Variants in ACAA2 observed in about 807,000 individuals in gnomAD.
ACAA2 encodes the protein 3-ketoacyl-CoA thiolase, mitochondrial.
A neutral mutation model predicts 44.8 loss-of-function variants in ACAA2; 35 were observed. That is an observed-to-expected ratio of 0.78 (90% CI 0.60 to 1.04). The LOEUF is 1.04. Ranked by LOEUF, ACAA2 falls within the 50% of genes least tolerant of loss-of-function variation. The pLI is 0.00. For missense variants in ACAA2, 468 were observed against 482.6 expected (o/e 0.97, Z 0.28); for synonymous variants, 142 against 166.5 (o/e 0.85, Z 1.13).
At chr18:49,799,868 C>T (rs1297417263) in intron 2 of ACAA2, among the ~76,000 whole-genome samples, 47 of 16,646 alleles carry the variant, frequency 2.8e-3, no homozygotes, top group African/African-American at 0.011. Flanking sequence ...TGCCCGGCCG[C>T]GACCCCATCT....
intron 5 of ACAA2, 97 bp from the exon 6 acceptor site, chr18:49,792,424 C>A: frequency 9.0e-7 from 1 of 1,109,146 alleles, no homozygotes; most frequent in Non-Finnish European, 1.3e-6. Context: ...CTACCTTTTC[C>A]TCACAGTCTA....
intron 2 of ACAA2, among the ~76,000 whole-genome samples, chr18:49,801,517 GAC>G (rs1432176487): frequency 3.9e-5 from 6 of 151,926 alleles, no homozygotes; most frequent in Non-Finnish European, 7.4e-5. Flanking sequence ...AAGAACAAAA[GAC>G]AATATTGAGA....
At chr18:49,797,211 T>TA (rs1162949820) in intron 3 of ACAA2, among the ~76,000 whole-genome samples, 2 of 152,048 alleles carry the variant, frequency 1.3e-5, no homozygotes, top group African/African-American at 4.8e-5. Context: ...AGTAGAAACA[T>TA]ACAGTATTTG....
chr18:49,796,127 T>A (rs1433582427), intron 3 of ACAA2, among the ~76,000 whole-genome samples: 1 of 152,190 alleles, frequency 6.6e-6, no homozygotes, highest in East Asian at 1.9e-4. Flanking sequence ...CCTACCTACA[T>A]GTGGCTAAGA....
At chr18:49,791,180 T>C (rs1231462745) in intron 7 of ACAA2, among the ~76,000 whole-genome samples, 1 of 152,262 alleles carries the variant, frequency 6.6e-6, no homozygotes, top group African/African-American at 2.4e-5. Flanking sequence ...ATTTTCTGTG[T>C]TGATTTCTAA....
At chr18:49,801,512 C>T (rs1346128671) in intron 2 of ACAA2, among the ~76,000 whole-genome samples, 1 of 151,938 alleles carries the variant, frequency 6.6e-6, no homozygotes, top group Non-Finnish European at 1.5e-5. Flanking sequence ...ATAAAAAGAA[C>T]AAAAGACAAT....
At chr18:49,786,533 T>A (rs1220898621) in intron 8 of ACAA2, 1 of 152,210 alleles carries the variant, frequency 6.6e-6, no homozygotes, top group East Asian at 1.9e-4. Context: ...GTTTCCTGTG[T>A]GAGAGATTAT....
chr18:49,804,512 T>A (rs577415059), intron 1 of ACAA2, among the ~76,000 whole-genome samples: 19 of 152,308 alleles, frequency 1.2e-4, no homozygotes, highest in Admixed American at 4.6e-4. Flanking sequence ...GTGACTCTCA[T>A]CTCAGGTAAA....
At chr18:49,803,291 T>C (rs2143973149) in intron 1 of ACAA2, among the ~76,000 whole-genome samples, 1 of 117,110 alleles carries the variant, frequency 8.5e-6, no homozygotes, top group East Asian at 2.8e-4. Context: ...TATCAATCCC[T>C]GACCTAAACT....
chr18:49,792,644 C>T (rs1196532457), intron 5 of ACAA2, among the ~76,000 whole-genome samples: 1 of 152,124 alleles, frequency 6.6e-6, no homozygotes, highest in Non-Finnish European at 1.5e-5. Context: ...GATGGGGTTT[C>T]TCCATGTTGG....
At chr18:49,785,750 G>T (rs773834422) in intron 8 of ACAA2, 1 of 206,104 alleles carries the variant, frequency 4.9e-6, no homozygotes, top group Non-Finnish European at 9.6e-6. Flanking sequence ...AAATGTGACT[G>T]TGGTATCATG....
At chr18:49,801,230 T>C (rs1305315991) in intron 2 of ACAA2, among the ~76,000 whole-genome samples, 1 of 152,222 alleles carries the variant, frequency 6.6e-6, no homozygotes. Context: ...CAAATATTTA[T>C]GTTAAGCACT....
intron 2 of ACAA2, among the ~76,000 whole-genome samples, chr18:49,799,976 C>T (rs373015788): frequency 8.6e-5 from 13 of 150,454 alleles, no homozygotes; most frequent in Admixed American, 2.6e-4. Context: ...CCCCTCCGCC[C>T]GGCAGCCACC....
chr18:49,787,177 G>T, intron 8 of ACAA2, 114 bp downstream of exon 8: 1 of 817,600 alleles, frequency 1.2e-6, no homozygotes, highest in Non-Finnish European at 1.7e-6. Flanking sequence ...ATTTGGAAAG[G>T]CTAACTACAA....
At chr18:49,805,595 C>T (rs1156662072) in intron 1 of ACAA2, among the ~76,000 whole-genome samples, 1 of 151,668 alleles carries the variant, frequency 6.6e-6, no homozygotes, top group East Asian at 1.9e-4. Context: ...GACAGTCTTG[C>T]TCTGTGCCCA....
intron 3 of ACAA2, among the ~76,000 whole-genome samples, chr18:49,796,966 GTATA>G (rs10605509): frequency 3.4e-4 from 52 of 150,860 alleles, no homozygotes; most frequent in African/African-American, 1.1e-3. Flanking sequence ...AAATATTGAA[GTATA>G]TATATATATA....
chr18:49,808,423 T>C lies in ACAA2; in HGVS notation c.16+5046A>G, dbSNP rs189609578. ...CAAACAAATGTTTATTCCTAATTGT[T>C]AAAACTTGAAGGCAACCACGATGTC... On this transcript the variant is annotated intron_variant, in intron 1 of 9. Coordinates refer to ENST00000285093, the MANE Select transcript of ACAA2 (RefSeq NM_006111.3). Among the ~76,000 whole-genome samples the C allele has an allele frequency of 6.6e-5, 10 of 152,332 alleles. No homozygotes were observed. In the East Asian group the frequency reaches 1.7e-3, roughly 26 times the overall value.
At chr18:49,786,570 C>T (rs998836277) in intron 8 of ACAA2, 12 of 152,216 alleles carry the variant, frequency 7.9e-5, no homozygotes, top group African/African-American at 2.4e-4. Flanking sequence ...CCTGTGCCTA[C>T]CCCTTCGCTA....
intron 1 of ACAA2, among the ~76,000 whole-genome samples, chr18:49,805,728 C>T (rs2023603579): frequency 6.6e-6 from 1 of 152,014 alleles, no homozygotes; most frequent in African/African-American, 2.4e-5. Flanking sequence ...AGGCATGTGC[C>T]ACCACACCTG....
Sources: allele counts gnomAD v4.1 joint callset (sites outside exome capture counted in the v4.1 genomes callset), GRCh38; gene constraint gnomAD v4.1.1; transcripts MANE v1.5; gene names NCBI Gene and HGNC (gene_info 2026-07-23, HGNC 2026-07-21).